DIAPH2: variants seen among roughly 807,000 people sequenced by gnomAD.
DIAPH2 encodes the protein protein diaphanous homolog 2.
In DIAPH2, 35 loss-of-function variants were observed where a neutral mutation model predicts 92.7. That is an observed-to-expected ratio of 0.38 (90% CI 0.29 to 0.50). The LOEUF (loss-of-function observed/expected upper bound fraction) is 0.50, where lower values mean the gene tolerates loss of function less well. DIAPH2 is among the 20% of genes least tolerant of loss of function. The pLI, the probability that DIAPH2 is intolerant of heterozygous loss-of-function variation, is 0.94. For missense variants in DIAPH2, 701 were observed against 819.5 expected (o/e 0.86, Z 1.77); for synonymous variants, 301 against 280.4 (o/e 1.07, Z -0.73).
intron 17 of DIAPH2, among the ~76,000 whole-genome samples, chrX:97,062,194 C>A (rs10521495): frequency 9.0e-6 from 1 of 111,120 alleles, no homozygotes; most frequent in Non-Finnish European, 1.9e-5. Context: ...TTTGTCATTC[C>A]TATGAGACCA....
intron 23 of DIAPH2, among the ~76,000 whole-genome samples, chrX:97,267,365 A>G (rs991590524): frequency 8.9e-6 from 1 of 111,840 alleles, no homozygotes; most frequent in African/African-American, 3.3e-5. Flanking sequence ...ATTTTAATCC[A>G]TTAAAATGTG....
At chrX:96,822,903 A>G (rs752418860) in intron 4 of DIAPH2, among the ~76,000 whole-genome samples, 17 of 112,284 alleles carry the variant, frequency 1.5e-4, no homozygotes, top group African/African-American at 5.5e-4. Context: ...TAGAAATATG[A>G]ACAAAGGTAT....
At chrX:96,923,174 A>G (rs2065557633) in intron 9 of DIAPH2, among the ~76,000 whole-genome samples, 1 of 112,416 alleles carries the variant, frequency 8.9e-6, no homozygotes, top group Non-Finnish European at 1.9e-5. Context: ...CAGTCTTCAC[A>G]GGCTGCTGTT....
At chrX:97,217,936 A>G (rs1368196934) in intron 22 of DIAPH2, among the ~76,000 whole-genome samples, 1 of 111,309 alleles carries the variant, frequency 9.0e-6, no homozygotes, top group East Asian at 2.9e-4. Flanking sequence ...ACAGAGCGAT[A>G]TGCCATCTCA....
chrX:96,708,562 C>G (rs896307699), intron 1 of DIAPH2, among the ~76,000 whole-genome samples: 39 of 111,787 alleles, frequency 3.5e-4, no homozygotes, highest in African/African-American at 1.2e-3. Context: ...GACATCTTTC[C>G]CATTCCTCAG....
chrX:96,960,862 G>GT (rs1490845996), intron 16 of DIAPH2, among the ~76,000 whole-genome samples: 8 of 111,987 alleles, frequency 7.1e-5, no homozygotes, highest in Non-Finnish European at 1.3e-4. Flanking sequence ...TAATTATATA[G>GT]TTTTCATTTT....
chrX:97,255,078 T>C (rs1569342344), intron 23 of DIAPH2, among the ~76,000 whole-genome samples: 1 of 111,604 alleles, frequency 9.0e-6, no homozygotes, highest in Non-Finnish European at 1.9e-5. Context: ...ATAGGTAATA[T>C]GTGTGGTTCA....
intron 22 of DIAPH2, among the ~76,000 whole-genome samples, chrX:97,200,403 G>A (rs999463210): frequency 1.0e-3 from 10 of 10,021 alleles, no homozygotes; most frequent in Admixed American, 5.4e-3. Flanking sequence ...CGCTCAGCAG[G>A]TCCCATTCCC....
At chrX:97,402,847 T>C (rs1252606884) in intron 25 of DIAPH2, among the ~76,000 whole-genome samples, 1 of 111,932 alleles carries the variant, frequency 8.9e-6, no homozygotes, top group Admixed American at 9.5e-5. Flanking sequence ...TAGTAACTAC[T>C]GCATAATTTT....
intron 22 of DIAPH2, among the ~76,000 whole-genome samples, chrX:97,229,819 ATATAATAACAATATTACATCT>A (rs2067994627): frequency 2.7e-5 from 2 of 73,204 alleles, no homozygotes; most frequent in East Asian, 7.3e-4. Flanking sequence ...TTGTTATTAT[ATATAATAACAATATTACATCT>A]TATTATATAT....
intron 24 of DIAPH2, among the ~76,000 whole-genome samples, chrX:97,367,939 C>T (rs1383814546): frequency 9.0e-6 from 1 of 111,613 alleles, no homozygotes; most frequent in East Asian, 2.8e-4. Context: ...CTCCTGACCT[C>T]AGGTGATCCG....
At chrX:97,340,311 G>A (rs960924883) in intron 23 of DIAPH2, among the ~76,000 whole-genome samples, 1 of 111,441 alleles carries the variant, frequency 9.0e-6, no homozygotes, top group African/African-American at 3.3e-5. Flanking sequence ...TTCTCCCTCA[G>A]TGCTGCCAAA....
At chrX:96,951,437 G>A (rs5920980) in intron 15 of DIAPH2, among the ~76,000 whole-genome samples, 13,512 of 111,123 alleles carry the variant, frequency 0.12, 1,101 homozygotes, top group African/African-American at 0.29. Context: ...AGGACAGTGT[G>A]TTTCTTATTA....
At chrX:96,702,439 A>G (rs935816551) in intron 1 of DIAPH2, among the ~76,000 whole-genome samples, 1 of 112,368 alleles carries the variant, frequency 8.9e-6, no homozygotes, top group Non-Finnish European at 1.9e-5. Context: ...ATGTATACAA[A>G]CCTGTGGTGC....
chrX:97,388,140 C>A (rs1339013575), intron 25 of DIAPH2, among the ~76,000 whole-genome samples: 1 of 111,134 alleles, frequency 9.0e-6, no homozygotes, highest in Non-Finnish European at 1.9e-5. Flanking sequence ...GGCTAGAAGT[C>A]CAAGATCAAG....
At position 97,456,169 on chromosome X, in the gene DIAPH2, C is replaced by T. The variant is rs1030015832; in HGVS notation, c.3241+26424C>T. On this transcript the variant is annotated intron_variant, in intron 26 of 26. Coordinates refer to ENST00000324765, the MANE Select transcript of DIAPH2 (RefSeq NM_006729.5). ...TTGGGAGGCCGAGGCGGGCGGATCA[C>T]GAGGTCAGGAGATCGAGACCATCTG... Among the ~76,000 whole-genome samples the T allele has an allele frequency of 7.1e-4, 79 of 111,926 alleles. 1 individual carries two copies. Among genetic ancestry groups the T allele is most frequent in the Non-Finnish European group, 1.1e-3 (56 of 53,067 alleles).
At chrX:97,014,727 T>G (rs1255488841) in intron 17 of DIAPH2, among the ~76,000 whole-genome samples, 2 of 112,298 alleles carry the variant, frequency 1.8e-5, no homozygotes, top group African/African-American at 6.5e-5. Context: ...AAACAGGCAC[T>G]GCCACTTACT....
At chrX:97,415,501 CA>C (rs2058964355) in intron 25 of DIAPH2, among the ~76,000 whole-genome samples, 1 of 111,740 alleles carries the variant, frequency 8.9e-6, no homozygotes. Context: ...GGCACATATT[CA>C]CCATGAAATA....
chrX:96,994,507 T>C (rs1413013912), intron 17 of DIAPH2, among the ~76,000 whole-genome samples: 1 of 111,877 alleles, frequency 8.9e-6, no homozygotes, highest in African/African-American at 3.3e-5. Flanking sequence ...TATATGGCTT[T>C]GAGGGAGAGG....
Sources: allele counts gnomAD v4.1 joint callset (sites outside exome capture counted in the v4.1 genomes callset), GRCh38; gene constraint gnomAD v4.1.1; transcripts MANE v1.5; gene names NCBI Gene and HGNC (gene_info 2026-07-23, HGNC 2026-07-21).